Variants in KHDRBS2 observed in about 807,000 individuals in gnomAD.
KHDRBS2 encodes KH RNA binding domain containing, signal transduction associated 2, also known as KH domain-containing, RNA-binding, signal transduction-associated protein 2.
KHDRBS2 carries 26 observed loss-of-function variants against 44.3 expected under a neutral mutation model. The ratio of observed to expected loss-of-function variants is 0.59; its 90% CI spans 0.43 to 0.81. The LOEUF (loss-of-function observed/expected upper bound fraction) is 0.81. Ranked by LOEUF, KHDRBS2 falls within the 40% of genes least tolerant of loss-of-function variation. The probability of loss-of-function intolerance (pLI) is 0.00; values close to 1 mark genes in which losing one functional copy is unlikely to be tolerated. For missense variants in KHDRBS2, 476 were observed against 433.1 expected, an observed-to-expected ratio of 1.10 and a Z score of -0.88; for synonymous variants, 194 against 151.1, an observed-to-expected ratio of 1.28 and a Z score of -2.08.
intron 6 of KHDRBS2, among the ~76,000 whole-genome samples, chr6:61,874,891 T>C (rs979756757): frequency 2.6e-5 from 4 of 152,152 alleles, no homozygotes; most frequent in African/African-American, 7.2e-5. Context: ...GAACCAGCTA[T>C]CTAGCTGATA....
Position 62,234,423 on chromosome 6 carries a change from G to C in KHDRBS2, c.91+51435C>G, listed in dbSNP as rs187659776. ...TTATTCAATCAGTCGGAAATACTTA[G>C]AGAACTTTTTATATGCCAGGTATTG... On this transcript the variant is annotated intron_variant, in intron 1 of 8. Transcript: ENST00000281156. Among the ~76,000 whole-genome samples the C allele has an allele frequency of 2.4e-3, 362 of 152,198 alleles. 2 individuals are homozygous for C. The highest frequency in any genetic ancestry group is 3.2e-3 in the Non-Finnish European group (218 of 67,966).
intron 1 of KHDRBS2, among the ~76,000 whole-genome samples, chr6:62,276,318 G>A (rs949308291): frequency 4.6e-5 from 7 of 152,100 alleles, no homozygotes; most frequent in South Asian, 2.1e-4. Context: ...CTGATCAAAC[G>A]TAAAATTTGC....
chr6:62,051,865 G>T (rs1005851621), intron 2 of KHDRBS2, among the ~76,000 whole-genome samples: 2 of 151,808 alleles, frequency 1.3e-5, no homozygotes, highest in African/African-American at 4.8e-5. Flanking sequence ...TAAACAACAG[G>T]TATATGAAAA....
Position 62,120,444 on chromosome 6 carries a change from C to A in KHDRBS2, c.219+56741G>T, listed in dbSNP as rs186708339. ...TATGCCAGATCTTACAGTGGAACCA[C>A]AGTCACTCAATTAGAAAATTTAAAA... On this transcript the variant is annotated intron_variant, in intron 2 of 8. Coordinates refer to ENST00000281156, the MANE Select transcript of KHDRBS2 (RefSeq NM_152688.4). Among the ~76,000 whole-genome samples the A allele has an allele frequency of 1.1e-4, 16 of 152,246 alleles. No homozygotes were observed. The Middle Eastern group carries it at 0.01, about 97-fold the overall frequency.
rs1402550010 is a variant in KHDRBS2 at position 62,010,921 on chromosome 6, A to C, written c.337-32709T>G. 2.6e-5 allele frequency among the ~76,000 whole-genome samples: 4 copies of C among 152,162 alleles called. No homozygotes were observed. The East Asian group carries it at 7.7e-4, about 29-fold the overall frequency. On this transcript the variant is annotated intron_variant, in intron 3 of 8. Transcript: ENST00000281156. ...CTATCAGCAAATAAAATTAGGGCCC[A>C]AACATTCCACCTCCTGTATTAAAAA...
intron 2 of KHDRBS2, among the ~76,000 whole-genome samples, chr6:62,088,857 T>C (rs367946137): frequency 1.3e-5 from 2 of 152,138 alleles, no homozygotes; most frequent in East Asian, 1.9e-4. Flanking sequence ...CCCGGGTAGA[T>C]GGGAGTTTTA....
intron 1 of KHDRBS2, among the ~76,000 whole-genome samples, chr6:62,203,444 G>A (rs1187459026): frequency 6.6e-6 from 1 of 152,000 alleles, no homozygotes; most frequent in African/African-American, 2.4e-5. Flanking sequence ...GCAGAAAAGA[G>A]GAATATATAA....
At chr6:62,164,067 T>C (rs1178397227) in intron 2 of KHDRBS2, among the ~76,000 whole-genome samples, 1 of 151,988 alleles carries the variant, frequency 6.6e-6, no homozygotes, top group Admixed American at 6.6e-5. Context: ...ATGTGGTTTT[T>C]ACATTCATAA....
intron 7 of KHDRBS2, among the ~76,000 whole-genome samples, chr6:61,710,120 T>C (rs917473148): frequency 1.3e-5 from 2 of 151,718 alleles, no homozygotes; most frequent in African/African-American, 4.8e-5. Flanking sequence ...GAAATTTAAA[T>C]GACCAGAGTC....
intron 2 of KHDRBS2, among the ~76,000 whole-genome samples, chr6:62,080,551 T>A (rs992043760): frequency 1.3e-5 from 2 of 152,162 alleles, no homozygotes; most frequent in Non-Finnish European, 2.9e-5. Flanking sequence ...CAATGAAGCA[T>A]GTGATAAAAT....
the KHDRBS2 span, among the ~76,000 whole-genome samples, chr6:61,619,185 C>T: frequency 3.9e-5 from 6 of 152,018 alleles, no homozygotes; most frequent in Non-Finnish European, 5.9e-5. Flanking sequence ...TATATAGTGG[C>T]GAATTCTGAG....
intron 2 of KHDRBS2, among the ~76,000 whole-genome samples, chr6:62,075,542 A>C (rs552002591): frequency 1.6e-4 from 24 of 152,082 alleles, no homozygotes; most frequent in East Asian, 3.9e-4. Context: ...GAAGATGTAC[A>C]CAGATTACAA....
downstream of KHDRBS2, among the ~76,000 whole-genome samples, chr6:61,676,844 A>G (rs1188023399): frequency 6.6e-6 from 1 of 151,752 alleles, no homozygotes; most frequent in African/African-American, 2.4e-5. Context: ...AATATTTTAG[A>G]TATTGCTGCC....
chr6:61,950,071 G>A (rs1030507221), intron 4 of KHDRBS2, among the ~76,000 whole-genome samples: 2 of 152,038 alleles, frequency 1.3e-5, no homozygotes, highest in Non-Finnish European at 2.9e-5. Context: ...GAATCAACAG[G>A]AAGGTGGGGG....
At chr6:62,119,981 C>T (rs575636385) in intron 2 of KHDRBS2, among the ~76,000 whole-genome samples, 2 of 152,134 alleles carry the variant, frequency 1.3e-5, no homozygotes, top group South Asian at 4.1e-4. Flanking sequence ...CTTGAGTTTT[C>T]TAATTTATAT....
At chr6:61,958,503 T>C (rs1223327436) in intron 4 of KHDRBS2, among the ~76,000 whole-genome samples, 1 of 152,212 alleles carries the variant, frequency 6.6e-6, no homozygotes, top group African/African-American at 2.4e-5. Flanking sequence ...TCTAACAAAC[T>C]ATTCATTGAT....
intron 6 of KHDRBS2, among the ~76,000 whole-genome samples, chr6:61,864,003 G>T (rs1797415219): frequency 6.6e-6 from 1 of 152,066 alleles, no homozygotes; most frequent in East Asian, 1.9e-4. Flanking sequence ...AAGATAGTTA[G>T]GTTTTTTTGT....
At chr6:61,564,586 T>C in the KHDRBS2 span, among the ~76,000 whole-genome samples, 221 of 152,126 alleles carry the variant, frequency 1.5e-3, no homozygotes, top group Middle Eastern at 6.8e-3. Flanking sequence ...AAGTTGAGGA[T>C]AGTATCAATA....
At chr6:62,276,969 A>C (rs1487844573) in intron 1 of KHDRBS2, among the ~76,000 whole-genome samples, 1 of 152,194 alleles carries the variant, frequency 6.6e-6, no homozygotes, top group Middle Eastern at 3.2e-3. Flanking sequence ...ACTAATGCTA[A>C]TAACTACACA....
Sources: allele counts gnomAD v4.1 joint callset (sites outside exome capture counted in the v4.1 genomes callset), GRCh38; gene constraint gnomAD v4.1.1; transcripts MANE v1.5; gene names NCBI Gene and HGNC (gene_info 2026-07-23, HGNC 2026-07-21).